The following NPHS1 variants were observed in gnomAD, a reference collection of about 807,000 sequenced individuals.
NPHS1 encodes nephrin.
In NPHS1, 107 loss-of-function variants were observed where a neutral mutation model predicts 139.7. The observed-to-expected ratio is 0.77, with a 90% CI of 0.66 to 0.90. The LOEUF (loss-of-function observed/expected upper bound fraction) is 0.90. Ranked by LOEUF, NPHS1 falls within the 40% of genes least tolerant of loss-of-function variation. The pLI, the probability that NPHS1 is intolerant of heterozygous loss-of-function variation, is 0.00. For synonymous variants in NPHS1, 707 were observed against 706.6 expected, an observed-to-expected ratio of 1.00 and a Z score of -0.01; for missense variants, 1,580 against 1,654.2, an observed-to-expected ratio of 0.96 and a Z score of 0.78.
In NPHS1 at chr19:35,848,963, C is replaced by G. The variant is rs758302323; in HGVS notation, c.1012+13G>C. The G allele has an allele frequency of 1.2e-6, 2 of 1,611,516 alleles. No homozygotes were observed. The highest frequency in any genetic ancestry group is 2.2e-5 in the South Asian group (2 of 91,024). On this transcript the variant is annotated intron_variant, in intron 8 of 28. Coordinates refer to ENST00000378910, the MANE Select transcript of NPHS1 (RefSeq NM_004646.4). Reference sequence around the variant, plus strand: ...CACAGACCGACAGGGGGGCAGCTGGCACCAGGACTCACAGGTGACCTGCAG... The same window carrying G: ...CACAGACCGACAGGGGGGCAGCTGGGACCAGGACTCACAGGTGACCTGCAG...
intron 16 of NPHS1, chr19:35,843,832 T>C (rs1973094901): frequency 1.5e-6 from 1 of 646,576 alleles, no homozygotes; most frequent in East Asian, 2.8e-5. Flanking sequence ...ATTGTGTGTG[T>C]AGCAGGGCTT....
In NPHS1 at chr19:35,837,011, G is replaced by GAAAGA. The variant is rs1209684695; in HGVS notation, c.3110-1255_3110-1251dup. On this transcript the variant is annotated intron_variant, in intron 22 of 28. Transcript: ENST00000378910. ...ATTCCATTGCAAAAAAAAAAAAAAA[G>GAAAGA]AAAGAAAAGAAAAGAAAAGAAAGAA... Among the ~76,000 whole-genome samples the GAAAGA allele has an allele frequency of 8.4e-3, 860 of 102,392 alleles. 15 individuals carry two copies. Among genetic ancestry groups the GAAAGA allele is most frequent in the African/African-American group, 0.029 (775 of 26,308 alleles). The allele number at this position is 102,392 out of a possible 152,430, so 67.2% of individuals were successfully genotyped here.
intron 11 of NPHS1, among the ~76,000 whole-genome samples, chr19:35,847,384 C>T (rs551387700): frequency 6.3e-4 from 55 of 87,020 alleles, no homozygotes; most frequent in African/African-American, 1.8e-3. Context: ...GACGGAGTTT[C>T]GGTCTCGTTG....
chr19:35,844,885 G>A (rs1040522901), intron 14 of NPHS1, among the ~76,000 whole-genome samples: 1 of 152,206 alleles, frequency 6.6e-6, no homozygotes, highest in Admixed American at 6.5e-5. Flanking sequence ...AGCACTTTGG[G>A]AGGCCAAGGC....
chr19:35,844,061 G>T (rs1211242786), intron 16 of NPHS1, 42 bp downstream of exon 16: 1 of 1,600,672 alleles, frequency 6.2e-7, no homozygotes, highest in Non-Finnish European at 8.5e-7. Flanking sequence ...AATGGGCAAG[G>T]TTCCTTGGGT....
intron 11 of NPHS1, among the ~76,000 whole-genome samples, chr19:35,846,610 T>C (rs1475937273): frequency 1.3e-5 from 2 of 152,232 alleles, no homozygotes; most frequent in African/African-American, 2.4e-5. Context: ...TTTCTTAAAA[T>C]TCCTGCTGTC....
intron 20 of NPHS1, among the ~76,000 whole-genome samples, chr19:35,840,727 C>T (rs1568452645): frequency 2.1e-5 from 3 of 145,002 alleles, no homozygotes; most frequent in South Asian, 2.2e-4. Flanking sequence ...CTTGCTCTGT[C>T]GCCCAGGCTG....
chr19:35,835,456 C>G (rs1325379234), intron 23 of NPHS1, among the ~76,000 whole-genome samples: 1 of 151,796 alleles, frequency 6.6e-6, no homozygotes, highest in Non-Finnish European at 1.5e-5. Context: ...CATGCCACTA[C>G]ACCCAGCTAT....
Position 35,842,474 on chromosome 19 carries a change from T to G in NPHS1, c.2411A>C (p.His804Pro), listed in dbSNP as rs564452666. 6.2e-6 allele frequency: 10 copies of G among 1,614,166 alleles called. No individual in the cohort carries two copies. In the South Asian group the frequency reaches 1.1e-4, roughly 18 times the overall value. ...GCCAGCCTGGGCCAGTTTGGCATGG[T>G]GAATCCGCAGGCGCCCCGTTGGTCC... ...SRGPTGRLRI[H>P]HAKLAQAGAY... Residue 804 changes from histidine (H) to proline (P), a missense_variant, in exon 18 of 29, where the codon CAC becomes CCC. His to Pro is a moderately conservative substitution (Grantham distance 77). Coordinates refer to ENST00000378910, the MANE Select transcript of NPHS1 (RefSeq NM_004646.4).
intron 11 of NPHS1, among the ~76,000 whole-genome samples, chr19:35,847,558 G>A (rs1973162493): frequency 6.6e-6 from 1 of 150,600 alleles, no homozygotes; most frequent in Non-Finnish European, 1.5e-5. Flanking sequence ...GTTTCTCCAT[G>A]TTGGTCAGGC....
intron 22 of NPHS1, among the ~76,000 whole-genome samples, chr19:35,837,346 T>C (rs985817540): frequency 6.6e-6 from 1 of 152,198 alleles, no homozygotes. Context: ...GTCTGTGGAG[T>C]CTGTGGTAAC....
Position 35,839,234 on chromosome 19 carries a change from C to G in NPHS1, c.3109+3G>C. ...TCCAACCTGCCCAAGCCTCCCTTCCCACCTGGGGTAGTGATGGGAAGCTGG... is the reference window on the plus strand; with the variant it reads ...TCCAACCTGCCCAAGCCTCCCTTCCGACCTGGGGTAGTGATGGGAAGCTGG... On this transcript the variant is annotated splice_donor_region_variant and intron_variant, in intron 22 of 28. Transcript: ENST00000378910. 6.2e-7 allele frequency: 1 copy of G among 1,614,156 alleles called. No homozygotes were observed. The highest frequency in any genetic ancestry group is 8.5e-7 in the Non-Finnish European group (1 of 1,180,002).
chr19:35,827,468 G>C lies in NPHS1; in HGVS notation c.3595-823C>G, dbSNP rs1007029365. ...ACAGACTGAGACTATCTCAAAAAAA[G>C]AAAAAAAGAAAAAAGAAAAAACCAG... is the stretch of plus-strand genomic sequence containing the variant. On this transcript the variant is annotated intron_variant, in intron 28 of 28. Coordinates refer to ENST00000378910, the MANE Select transcript of NPHS1 (RefSeq NM_004646.4). Among the ~76,000 whole-genome samples the C allele has an allele frequency of 2.0e-5, 3 of 151,282 alleles. No homozygotes were observed. The South Asian group carries it at 6.3e-4, about 32-fold the overall frequency.
chr19:35,842,463 G>C lies in NPHS1; in HGVS notation c.2422C>G (p.Leu808Val). 2 of 1,614,204 alleles carry C rather than the reference G, an allele frequency of 1.2e-6. No individual in the cohort carries two copies. Among genetic ancestry groups the C allele is most frequent in the South Asian group, 2.2e-5 (2 of 91,084 alleles). Residue 808 changes from leucine (L) to valine (V), a missense_variant, in exon 18 of 29, where the codon CTG (leucine) becomes GTG (valine). Coordinates refer to ENST00000378910, the MANE Select transcript of NPHS1 (RefSeq NM_004646.4). ...CACTGGTAAGCGCCAGCCTGGGCCA[G>C]TTTGGCATGGTGAATCCGCAGGCGC... ...TGRLRIHHAK[L>V]AQAGAYQCIV... is the part of the protein sequence containing the mutation.
intron 19 of NPHS1, 126 bp from the exon 20 acceptor site, chr19:35,841,992 A>C: frequency 1.4e-6 from 2 of 1,403,316 alleles, no homozygotes; most frequent in South Asian, 1.2e-5. Flanking sequence ...TTATCTTTTC[A>C]TCCACTCAAC....
intron 22 of NPHS1, among the ~76,000 whole-genome samples, chr19:35,837,113 G>A (rs1972979053): frequency 6.6e-6 from 1 of 151,866 alleles, no homozygotes; most frequent in Admixed American, 6.6e-5. Flanking sequence ...TATATTTTTA[G>A]AAACTGAGAC....
intron 11 of NPHS1, 62 bp from the exon 12 acceptor site, chr19:35,846,256 C>T (rs1424457873): frequency 2.0e-6 from 3 of 1,517,226 alleles, no homozygotes; most frequent in Admixed American, 2.0e-5. Flanking sequence ...ACCCCCAACC[C>T]CCCTACCCTG....
rs201546612 is a variant in NPHS1 at position 35,851,631 on chromosome 19, A to T, written c.100T>A (p.Phe34Ile). 1.9e-6 allele frequency: 3 copies of T among 1,613,966 alleles called. No individual in the cohort carries two copies. The African/African-American group carries it at 4.0e-5, about 22-fold the overall frequency. ...LAIPASVPRG[F>I]WALPENLTVV... is the part of the protein sequence containing the mutation. ...GTCAGGTTTTCAGGCAGGGCCCAGA[A>T]GCCCCGGGGAACGGAGGCAGGAATC... is the stretch of plus-strand genomic sequence containing the variant. The change falls in exon 2 of 29, where the codon TTC (phenylalanine) becomes ATC (isoleucine). Residue 34 changes from phenylalanine to isoleucine, a missense_variant. By Grantham distance (21) the Phe-to-Ile change is conservative. Transcript: ENST00000378910.
chr19:35,841,948 A>G, intron 19 of NPHS1, 82 bp from the exon 20 acceptor site: 2 of 1,483,124 alleles, frequency 1.3e-6, no homozygotes, highest in Non-Finnish European at 1.8e-6. Flanking sequence ...CCATCCATTA[A>G]TGTAACCGTC....
Sources: allele counts gnomAD v4.1 joint callset (sites outside exome capture counted in the v4.1 genomes callset), GRCh38; gene constraint gnomAD v4.1.1; transcripts MANE v1.5; gene names NCBI Gene and HGNC (gene_info 2026-07-23, HGNC 2026-07-21).